Variants in PLA2G4D observed in about 807,000 individuals in gnomAD.
PLA2G4D encodes phospholipase A2 group IVD.
PLA2G4D carries 80 observed loss-of-function variants against 94.4 expected under a neutral mutation model. The ratio of observed to expected loss-of-function variants is 0.85; its 90% confidence interval spans 0.71 to 1.02. PLA2G4D has a LOEUF of 1.02. PLA2G4D is among the 50% of genes least tolerant of loss of function. The probability of loss-of-function intolerance (pLI) is 0.00; values close to 1 mark genes in which losing one functional copy is unlikely to be tolerated. For synonymous variants in PLA2G4D, 438 were observed against 440.9 expected (o/e 0.99, Z 0.08); for missense variants, 1,050 against 1,034.7 (o/e 1.01, Z -0.20).
intron 18 of PLA2G4D, chr15:42,070,410 C>A (rs1053514203): frequency 3.9e-6 from 2 of 511,068 alleles, no homozygotes; most frequent in Admixed American, 3.6e-5. Context: ...ATTGGCACAG[C>A]GTCTCAGGGG....
chr15:42,091,822 G>A (rs1002079753), intron 1 of PLA2G4D, among the ~76,000 whole-genome samples: 6 of 152,200 alleles, frequency 3.9e-5, no homozygotes, highest in Admixed American at 1.3e-4. Context: ...AAATAATGGC[G>A]TAAGCTGTCT....
chr15:42,071,936 G>A, intron 14 of PLA2G4D, 25 bp from the exon 15 acceptor site: 1 of 1,611,384 alleles, frequency 6.2e-7, no homozygotes, highest in Non-Finnish European at 8.5e-7. Context: ...AGGAGAGGCA[G>A]GAGTGTGAGG....
At chr15:42,072,509 C>T (rs536153968) in intron 13 of PLA2G4D, 117 bp from the exon 14 acceptor site, 27 of 783,046 alleles carry the variant, frequency 3.4e-5, no homozygotes, top group African/African-American at 2.4e-4. Context: ...CAGCTCCTCC[C>T]GTGGGGTCTG....
chr15:42,070,247 G>C, intron 18 of PLA2G4D, 152 bp from the exon 19 acceptor site: 1 of 714,978 alleles, frequency 1.4e-6, no homozygotes, highest in African/African-American at 1.9e-5. Context: ...CTCGGAGGGA[G>C]ACCCAGGGGG....
chr15:42,087,425 C>A lies in PLA2G4D; in HGVS notation c.130G>T (p.Asp44Tyr), dbSNP rs1365178364. The A allele has an allele frequency of 6.2e-7, 1 of 1,613,946 alleles. No homozygotes were observed. Among genetic ancestry groups the A allele is most frequent in the Non-Finnish European group, 8.5e-7 (1 of 1,179,998 alleles). The change falls in exon 3 of 20, where the codon GAC (aspartate) becomes TAC (tyrosine). Residue 44 changes from aspartate (D) to tyrosine (Y), a missense_variant. Coordinates refer to ENST00000290472, the MANE Select transcript of PLA2G4D (RefSeq NM_178034.4). ...GACAGCTGTAGGATCACGTAAGGGT[C>A]GGCCTCACTCACTGCCAAGGTTAAG... ...LRWADLLSEA[D>Y]PYVILQLSTA...
At position 42,071,782 on chromosome 15, in the gene PLA2G4D, A is replaced by C; in HGVS notation, c.1565T>G (p.Phe522Cys). The C allele has an allele frequency of 6.2e-7, 1 of 1,614,088 alleles. No homozygotes were observed. The highest frequency in any genetic ancestry group is 8.5e-7 in the Non-Finnish European group (1 of 1,179,996). Residue 522 changes from phenylalanine (F) to cysteine (C), a missense_variant, in exon 15 of 20, where the codon TTT (phenylalanine) becomes TGT (cysteine). Transcript: ENST00000290472. ...AGAGCCACCACCCTCACCTTCCAGA[A>C]AGCAGATCCGGGGCTCCGGGATCCT... is the stretch of plus-strand genomic sequence containing the variant. ...MRRIPEPRIC[F>C]LEAIWSNIFS...
chr15:42,079,616 TC>T lies in PLA2G4D; in HGVS notation c.1237del (p.Glu413SerfsTer18), dbSNP rs2055243972. 1 of 1,611,120 alleles carries T rather than the reference TC, an allele frequency of 6.2e-7. No homozygotes were observed. The highest frequency in any genetic ancestry group is 1.1e-5 in the South Asian group (1 of 90,704). Reference sequence around the variant, plus strand: ...GGGGTGGCCCTGCTCAGCCCGCAGCTCCAGCTCCCGGCGGTAGCTCGCCAGG... The same window carrying T: ...GGGGTGGCCCTGCTCAGCCCGCAGCTCAGCTCCCGGCGGTAGCTCGCCAGG... ...ERLASYRREL[E>X]LRAEQGHPTT... On this transcript the variant is annotated frameshift_variant, in exon 13 of 20. Transcript: ENST00000290472. LOFTEE classifies it high-confidence loss of function.
chr15:42,079,145 G>A (rs1889982945), intron 13 of PLA2G4D, among the ~76,000 whole-genome samples: 1 of 152,236 alleles, frequency 6.6e-6, no homozygotes, highest in South Asian at 2.1e-4. Flanking sequence ...GCTAGTAAGA[G>A]GTACTGGTGT....
chr15:42,093,308 C>T (rs1365207734), intron 1 of PLA2G4D, among the ~76,000 whole-genome samples: 1 of 152,186 alleles, frequency 6.6e-6, no homozygotes, highest in Non-Finnish European at 1.5e-5. Flanking sequence ...ATTGCTGACA[C>T]TTAGGCTTTT....
chr15:42,078,755 C>T (rs1035383345), intron 13 of PLA2G4D, among the ~76,000 whole-genome samples: 37 of 152,200 alleles, frequency 2.4e-4, no homozygotes, highest in African/African-American at 8.7e-4. Context: ...AGTCCTTCTG[C>T]TACTAATATA....
At chr15:42,093,999 A>G (rs958872438) in intron 1 of PLA2G4D, among the ~76,000 whole-genome samples, 2 of 152,100 alleles carry the variant, frequency 1.3e-5, no homozygotes, top group African/African-American at 4.8e-5. Flanking sequence ...TTGGCAGTGG[A>G]TGGGGATTTG....
intron 13 of PLA2G4D, 50 bp downstream of exon 13, chr15:42,079,487 C>G (rs369952855): frequency 6.6e-7 from 1 of 1,518,394 alleles, no homozygotes; most frequent in Admixed American, 2.1e-5. Context: ...GCCCTGCCTT[C>G]GCCCCCGCGG....
chr15:42,081,846 G>C lies in PLA2G4D; in HGVS notation c.784-12C>G. 1 of 1,613,532 alleles carries C rather than the reference G, an allele frequency of 6.2e-7. No individual in the cohort carries two copies. Among genetic ancestry groups the C allele is most frequent in the Non-Finnish European group, 8.5e-7 (1 of 1,179,824 alleles). On this transcript the variant is annotated splice_polypyrimidine_tract_variant and intron_variant, in intron 9 of 19. Coordinates refer to ENST00000290472, the MANE Select transcript of PLA2G4D (RefSeq NM_178034.4). ...CTCACTCCTGGGGCCTGAAATCAAA[G>C]CCAGAGACTCTGCTCAGACCCTCCT...
At chr15:42,078,964 G>A (rs1314567545) in intron 13 of PLA2G4D, among the ~76,000 whole-genome samples, 1 of 152,194 alleles carries the variant, frequency 6.6e-6, no homozygotes, top group African/African-American at 2.4e-5. Flanking sequence ...TTGTCTTGAT[G>A]CTGTTAGAAT....
intron 15 of PLA2G4D, 103 bp from the exon 16 acceptor site, chr15:42,071,654 A>ACCCCCCCCCCC (rs1889821699): frequency 1.4e-5 from 20 of 1,393,866 alleles, no homozygotes; most frequent in Admixed American, 3.7e-5. Flanking sequence ...CCTACAATGC[A>ACCCCCCCCCCC]TCCCCCCCGC....
rs750389292 is a variant in PLA2G4D at position 42,094,436 on chromosome 15, TC to T, written c.23del (p.Gly8AspfsTer19). 3.1e-6 allele frequency: 5 copies of T among 1,613,910 alleles called. No homozygotes were observed. In the South Asian group the frequency reaches 5.5e-5, roughly 18 times the overall value. On this transcript the variant is annotated frameshift_variant, in exon 1 of 20. Coordinates refer to ENST00000290472, the MANE Select transcript of PLA2G4D (RefSeq NM_178034.4). LOFTEE classifies it high-confidence loss of function. ...TTACCTGGTAAGGGTGGCCAGGTGG[TC>T]CCCCAGGTGACAGGCTCTCCATGCT... Reference protein sequence around the residue: MESLSPGGPPGHPYQGEA... With the variant: MESLSPGXPPGHPYQGEA...
chr15:42,072,234 G>T (rs933644318), intron 14 of PLA2G4D, 41 bp downstream of exon 14: 11 of 1,520,974 alleles, frequency 7.2e-6, no homozygotes, highest in Middle Eastern at 1.8e-4. Flanking sequence ...CAGAGGGTTT[G>T]GGGGGTGGAG....
At chr15:42,078,576 T>C (rs1450085567) in intron 13 of PLA2G4D, among the ~76,000 whole-genome samples, 4 of 152,226 alleles carry the variant, frequency 2.6e-5, no homozygotes, top group African/African-American at 7.2e-5. Context: ...AAGAATAATA[T>C]TTAAAGAAAA....
chr15:42,076,037 A>G (rs1889917043), intron 13 of PLA2G4D, among the ~76,000 whole-genome samples: 1 of 152,236 alleles, frequency 6.6e-6, no homozygotes, highest in African/African-American at 2.4e-5. Context: ...AACTTGGCCT[A>G]TCAGATACCA....
Sources: allele counts gnomAD v4.1 joint callset (sites outside exome capture counted in the v4.1 genomes callset), GRCh38; gene constraint gnomAD v4.1.1; transcripts MANE v1.5; gene names NCBI Gene and HGNC (gene_info 2026-07-23, HGNC 2026-07-21).